SENP2: variants seen among roughly 807,000 people sequenced by gnomAD.
SENP2 encodes sentrin-specific protease 2.
Under a neutral mutation model 86.3 loss-of-function variants are expected in SENP2, and 16 were observed. The observed-to-expected ratio is 0.19, with a 90% CI of 0.13 to 0.28. The LOEUF (loss-of-function observed/expected upper bound fraction) is 0.28, where lower values mean the gene tolerates loss of function less well. Among genes scored for constraint, SENP2 ranks in the 10% least tolerant of loss-of-function variants. The probability of loss-of-function intolerance (pLI) is 1.00; values close to 1 mark genes in which losing one functional copy is unlikely to be tolerated. For synonymous variants in SENP2, 222 were observed against 238.7 expected (o/e 0.93, Z 0.64); for missense variants, 552 against 703.0 (o/e 0.79, Z 2.43).
At position 185,607,586 on chromosome 3, in the gene SENP2, T is replaced by C. The variant is rs1722560107; in HGVS notation, c.618+1088T>C. The stretch of plus-strand genomic sequence containing the variant: ...CTCAGGTGATCCACCTACCTCAGCC[T>C]CCCAAAGTGCTGGGATTACAGGCAT... On this transcript the variant is annotated intron_variant, in intron 6 of 16. Coordinates refer to ENST00000296257, the MANE Select transcript of SENP2 (RefSeq NM_021627.3). 2.6e-5 allele frequency among the ~76,000 whole-genome samples: 4 copies of C among 152,146 alleles called. No homozygotes were observed. The South Asian group carries it at 8.3e-4, about 31-fold the overall frequency.
chr3:185,600,702 C>T (rs1722316846), intron 4 of SENP2, 63 bp from the exon 5 acceptor site: 16 of 1,090,498 alleles, frequency 1.5e-5, no homozygotes, highest in Admixed American at 7.7e-5. Flanking sequence ...TTTTTTCTTT[C>T]CTTATGCAGA....
chr3:185,601,945 T>C (rs1046898935), intron 5 of SENP2, among the ~76,000 whole-genome samples: 1 of 152,086 alleles, frequency 6.6e-6, no homozygotes, highest in Non-Finnish European at 1.5e-5. Flanking sequence ...GCCTTCTTGC[T>C]CTTTTTAAAA....
At chr3:185,604,358 GT>G (rs1722443295) in intron 5 of SENP2, among the ~76,000 whole-genome samples, 1 of 152,314 alleles carries the variant, frequency 6.6e-6, no homozygotes, top group South Asian at 2.1e-4. Flanking sequence ...GTATGGTCCA[GT>G]TGGATGATGT....
chr3:185,601,779 A>C (rs1288487843), intron 5 of SENP2, among the ~76,000 whole-genome samples: 1 of 151,500 alleles, frequency 6.6e-6, no homozygotes, highest in Non-Finnish European at 1.5e-5. Context: ...CTGGGCTTAC[A>C]GGGGCGTGCC....
chr3:185,592,007 A>ATTTTTT lies in SENP2; in HGVS notation c.157+1841_157+1842insTTTTTT, dbSNP rs1261238822. Among the ~76,000 whole-genome samples the ATTTTTT allele has an allele frequency of 5.7e-4, 20 of 35,096 alleles. 1 individual carries two copies. The highest frequency in any genetic ancestry group is 1.7e-3 in the East Asian group (2 of 1,194). The allele number at this position is 35,096 out of a possible 152,430, so 23.0% of individuals were successfully genotyped here. On this transcript the variant is annotated intron_variant, in intron 2 of 16. Transcript: ENST00000296257. ...ACTCCTGTCTTTAAGAACCGGTAAT[A>ATTTTTT]TTTCTTTTTTTTTTTTTTTTTTTTT...
At chr3:185,588,759 G>A (rs571609745) in intron 1 of SENP2, among the ~76,000 whole-genome samples, 47 of 152,262 alleles carry the variant, frequency 3.1e-4, no homozygotes, top group African/African-American at 1.1e-3. Flanking sequence ...GTATATAAGG[G>A]TAGTATTTGT....
At chr3:185,591,990 CTTTAAGAACCGGTAATATTTCTTTT>C (rs1427731115) in intron 2 of SENP2, among the ~76,000 whole-genome samples, 3 of 105,028 alleles carry the variant, frequency 2.9e-5, no homozygotes, top group African/African-American at 1.0e-4. Context: ...ATACTCCTGT[CTTTAAGAACCGGTAATATTTCTTTT>C]TTTTTTTTTT....
At chr3:185,587,094 T>G (rs1408106431) in intron 1 of SENP2, among the ~76,000 whole-genome samples, 3 of 152,192 alleles carry the variant, frequency 2.0e-5, no homozygotes, top group African/African-American at 7.2e-5. Flanking sequence ...TTAAATTCGG[T>G]TAAAATTTGG....
chr3:185,590,614 T>C (rs1210521633), intron 2 of SENP2, among the ~76,000 whole-genome samples: 3 of 147,542 alleles, frequency 2.0e-5, no homozygotes, highest in African/African-American at 7.5e-5. Context: ...AACCTTTAAT[T>C]CCAGCACTTC....
chr3:185,598,503 T>C lies in SENP2; in HGVS notation c.249T>C (p.Thr83=). ...PFQLTTKPMV[T]SACNGTRNVA... is the part of the protein sequence containing the mutation. ...AGCTGACCACAAAGCCCATGGTAACTTCTGCTTGTAATGGAACACGGAATG... is the reference window on the plus strand; with the variant it reads ...AGCTGACCACAAAGCCCATGGTAACCTCTGCTTGTAATGGAACACGGAATG... Residue 83 remains threonine, a synonymous_variant, in exon 3 of 17, where the codon ACT becomes ACC. Coordinates refer to ENST00000296257, the MANE Select transcript of SENP2 (RefSeq NM_021627.3). 1 of 1,614,136 alleles carries C rather than the reference T, an allele frequency of 6.2e-7. No homozygotes were observed. Among genetic ancestry groups the C allele is most frequent in the Non-Finnish European group, 8.5e-7 (1 of 1,180,022 alleles).
In SENP2 at chr3:185,614,654, A is replaced by C; in HGVS notation, c.1024A>C (p.Lys342Gln). Residue 342 changes from lysine to glutamine, a missense_variant, in exon 11 of 17, where the codon AAA (lysine) becomes CAA (glutamine). By Grantham distance (53) the Lys-to-Gln change is moderately conservative (BLOSUM62 1). Transcript: ENST00000296257. Reference protein sequence around the residue: ...GSGSNGLLRRKVSIIETKEKN... With the variant: ...GSGSNGLLRRQVSIIETKEKN... Reference sequence around the variant, plus strand: ...TGGAAGCAATGGCTTACTCAGGAGGAAAGTGTCAATAATTGAGACAAAGGA... The same window carrying C: ...TGGAAGCAATGGCTTACTCAGGAGGCAAGTGTCAATAATTGAGACAAAGGA... 6.2e-7 allele frequency: 1 copy of C among 1,614,248 alleles called. No individual in the cohort carries two copies. Among genetic ancestry groups the C allele is most frequent in the Non-Finnish European group, 8.5e-7 (1 of 1,180,044 alleles).
chr3:185,622,940 C>T (rs891504552), intron 14 of SENP2, among the ~76,000 whole-genome samples: 5 of 151,040 alleles, frequency 3.3e-5, no homozygotes, highest in African/African-American at 1.2e-4. Flanking sequence ...CCTCGGCCTC[C>T]CAAGAAGCTG....
chr3:185,617,210 A>T (rs1577737716), intron 11 of SENP2, among the ~76,000 whole-genome samples: 1 of 152,020 alleles, frequency 6.6e-6, no homozygotes, highest in Admixed American at 6.6e-5. Context: ...GCTCATGCCT[A>T]TAATCTCAGC....
intron 7 of SENP2, among the ~76,000 whole-genome samples, chr3:185,610,883 G>A (rs9714159): frequency 0.38 from 57,968 of 152,072 alleles, 11,275 homozygotes; most frequent in South Asian, 0.56. Flanking sequence ...GCGTGAACCC[G>A]GGAGGCGGAG....
intron 12 of SENP2, among the ~76,000 whole-genome samples, chr3:185,617,825 A>G (rs1380825919): frequency 6.6e-6 from 1 of 152,192 alleles, no homozygotes; most frequent in African/African-American, 2.4e-5. Flanking sequence ...ATTTTATTGC[A>G]TCCACCACTT....
rs114689279 is a variant in SENP2 at position 185,586,798 on chromosome 3, A to G, written c.101+284A>G. ...TTTGCCGCTCTTAGGCTGAACACTA[A>G]CATTGAAGGAATACTGTCTTTGTTG... is the stretch of plus-strand genomic sequence containing the variant. On this transcript the variant is annotated intron_variant, in intron 1 of 16. Coordinates refer to ENST00000296257, the MANE Select transcript of SENP2 (RefSeq NM_021627.3). This position sits in a 1 kb window ranked among gnomAD's most constrained non-coding sequence, Gnocchi z 4.3. Among the ~76,000 whole-genome samples, 2 of 152,302 alleles carry G rather than the reference A, an allele frequency of 1.3e-5. No homozygotes were observed. The highest frequency in any genetic ancestry group is 2.9e-5 in the Non-Finnish European group (2 of 68,032).
intron 10 of SENP2, among the ~76,000 whole-genome samples, chr3:185,614,231 A>T (rs557298502): frequency 6.6e-6 from 1 of 152,172 alleles, no homozygotes; most frequent in Non-Finnish European, 1.5e-5. Flanking sequence ...TGTGGGTCAT[A>T]TTTTTTGCTG....
At chr3:185,598,588 C>T (rs371741618) in intron 3 of SENP2, 43 bp downstream of exon 3, 68 of 1,556,922 alleles carry the variant, frequency 4.4e-5, no homozygotes, top group Non-Finnish European at 5.8e-5. Flanking sequence ...GATCTTTATA[C>T]TTAATCATTA....
chr3:185,632,237 G>GTTTTTTTTT lies in SENP2; in HGVS notation c.*2403_*2411dup, dbSNP rs71627028. ...GGTTTTTTTTTTGTTTTTTTTTTTT[G>GTTTTTTTTT]TTTTTTTTTTTTTTTTTTGCGACAG... On this transcript the variant is annotated 3_prime_UTR_variant, in exon 17 of 17. Transcript: ENST00000296257. The GTTTTTTTTT allele has an allele frequency of 2.4e-4, 15 of 63,452 alleles. No homozygotes were observed. Among genetic ancestry groups the GTTTTTTTTT allele is most frequent in the African/African-American group, 4.8e-4 (7 of 14,514 alleles). The allele number at this position is 63,452 out of a possible 1,614,324, so 3.9% of individuals were successfully genotyped here.
Sources: gnomAD v4.1 joint callset for allele counts (sites outside exome capture counted in the v4.1 genomes callset) on GRCh38, gnomAD v4.1.1 for gene constraint, Gnocchi (gnomAD v3.1) non-coding constraint, MANE v1.5 for transcripts, NCBI Gene and HGNC (gene_info 2026-07-23, HGNC 2026-07-21) for gene names.